Variants in RBFOX1 observed in about 807,000 individuals in gnomAD.
RBFOX1 encodes RNA binding fox-1 homolog 1.
Under a neutral mutation model 57.7 loss-of-function variants are expected in RBFOX1, and 8 were observed. The ratio of observed to expected loss-of-function variants is 0.14; its 90% CI spans 0.08 to 0.25. The LOEUF is 0.25. Ranked by LOEUF, RBFOX1 falls within the 10% of genes least tolerant of loss-of-function variation. The pLI, the probability that RBFOX1 is intolerant of heterozygous loss-of-function variation, is 1.00. For synonymous variants in RBFOX1, 326 were observed against 222.4 expected (o/e 1.47, Z -4.15); for missense variants, 611 against 548.5 (o/e 1.11, Z -1.14).
chr16:7,462,175 G>A (rs758527848), intron 4 of RBFOX1, among the ~76,000 whole-genome samples: 7 of 152,180 alleles, frequency 4.6e-5, no homozygotes, highest in Non-Finnish European at 7.3e-5. Flanking sequence ...GGGAAACAGC[G>A]GGTCACAAAG....
At chr16:7,528,051 C>T (rs759944234) in intron 5 of RBFOX1, among the ~76,000 whole-genome samples, 1 of 152,142 alleles carries the variant, frequency 6.6e-6, no homozygotes, top group African/African-American at 2.4e-5. Context: ...AAGTCTAGGT[C>T]GTGGGCAAAC....
chr16:7,358,984 T>C (rs916310969), intron 4 of RBFOX1, among the ~76,000 whole-genome samples: 2 of 152,188 alleles, frequency 1.3e-5, no homozygotes, highest in Non-Finnish European at 2.9e-5. Context: ...ATTAATGATG[T>C]TTTTGGAATG....
intron 3 of RBFOX1, among the ~76,000 whole-genome samples, chr16:6,679,029 G>T (rs371783196): frequency 6.6e-6 from 1 of 152,036 alleles, no homozygotes; most frequent in Non-Finnish European, 1.5e-5. Flanking sequence ...TCGACTCTGC[G>T]TGTTGCTATT....
At chr16:5,973,062 G>A (rs1036601299) in intron 4 of RBFOX1, among the ~76,000 whole-genome samples, 2 of 152,138 alleles carry the variant, frequency 1.3e-5, no homozygotes, top group African/African-American at 4.8e-5. Flanking sequence ...AAAGGTGTGT[G>A]GCAGAAGGTT....
At chr16:7,688,858 T>G (rs1376993328) in intron 14 of RBFOX1, among the ~76,000 whole-genome samples, 1 of 152,114 alleles carries the variant, frequency 6.6e-6, no homozygotes, top group Non-Finnish European at 1.5e-5. Flanking sequence ...GGAGTTCAAA[T>G]ATTTCTTAGA....
chr16:5,725,080 G>A (rs557585101), intron 3 of RBFOX1, among the ~76,000 whole-genome samples: 30 of 152,220 alleles, frequency 2.0e-4, no homozygotes, highest in Non-Finnish European at 3.7e-4. Flanking sequence ...GGGTGTGTCT[G>A]TAGAGATCCA....
intron 1 of RBFOX1, among the ~76,000 whole-genome samples, chr16:5,339,149 C>T (rs563857588): frequency 6.6e-6 from 1 of 152,246 alleles, no homozygotes; most frequent in East Asian, 1.9e-4. Flanking sequence ...CTTTGACCAA[C>T]ATCTCCCCAG....
At chr16:5,448,308 C>T (rs2068315066) in intron 1 of RBFOX1, among the ~76,000 whole-genome samples, 1 of 152,094 alleles carries the variant, frequency 6.6e-6, no homozygotes, top group Non-Finnish European at 1.5e-5. Flanking sequence ...AACTTACCTC[C>T]CAGCTGGGTC....
chr16:7,308,695 T>C (rs1017437980), intron 4 of RBFOX1, among the ~76,000 whole-genome samples: 5 of 152,184 alleles, frequency 3.3e-5, no homozygotes, highest in African/African-American at 1.2e-4. Flanking sequence ...AACCTGCATA[T>C]CAACCCTTTC....
intron 10 of RBFOX1, among the ~76,000 whole-genome samples, chr16:7,617,858 C>CA (rs1251239762): frequency 6.6e-6 from 1 of 152,052 alleles, no homozygotes; most frequent in Non-Finnish European, 1.5e-5. Context: ...CATGAGGAGT[C>CA]AAGGGGGTGG....
chr16:7,048,504 C>T (rs545300227), intron 3 of RBFOX1, among the ~76,000 whole-genome samples: 1 of 152,204 alleles, frequency 6.6e-6, no homozygotes, highest in Middle Eastern at 3.4e-3. Flanking sequence ...CATGATCCAC[C>T]CGCCTCAGCC....
chr16:6,826,982 C>T (rs548357988), intron 3 of RBFOX1, among the ~76,000 whole-genome samples: 4 of 152,190 alleles, frequency 2.6e-5, no homozygotes, highest in African/African-American at 9.6e-5. Context: ...AATATGATTG[C>T]ACTGCAATAG....
chr16:6,818,527 C>G (rs931202486), intron 3 of RBFOX1, among the ~76,000 whole-genome samples: 10 of 152,162 alleles, frequency 6.6e-5, no homozygotes, highest in South Asian at 4.1e-4. Flanking sequence ...GGCAATAATA[C>G]AAGCTGTTGT....
At chr16:5,480,985 G>C (rs188079073) in intron 2 of RBFOX1, among the ~76,000 whole-genome samples, 3 of 152,214 alleles carry the variant, frequency 2.0e-5, no homozygotes, top group Non-Finnish European at 4.4e-5. Context: ...TCTGAGCTGA[G>C]CATTCATGCA....
chr16:7,241,823 G>A (rs1399633976), intron 4 of RBFOX1, among the ~76,000 whole-genome samples: 4 of 150,886 alleles, frequency 2.7e-5, no homozygotes, highest in Non-Finnish European at 5.9e-5. Flanking sequence ...ATACATATAT[G>A]TTTATACATA....
chr16:5,759,056 C>G (rs115588369), intron 3 of RBFOX1, among the ~76,000 whole-genome samples: 1 of 152,190 alleles, frequency 6.6e-6, no homozygotes, highest in African/African-American at 2.4e-5. Flanking sequence ...ACCTCCATTT[C>G]TACTTCCATA....
At chr16:5,650,064 A>G (rs1353177721) in intron 3 of RBFOX1, among the ~76,000 whole-genome samples, 1 of 152,136 alleles carries the variant, frequency 6.6e-6, no homozygotes, top group East Asian at 1.9e-4. Context: ...AAGCAAACAC[A>G]AGTTTTGAAG....
intron 3 of RBFOX1, among the ~76,000 whole-genome samples, chr16:6,677,214 C>G (rs11642897): frequency 0.11 from 16,893 of 152,128 alleles, 1,324 homozygotes; most frequent in East Asian, 0.26. Flanking sequence ...AGGACTACAA[C>G]TAGAATACAG....
chr16:5,292,229 C>G (rs994380679), intron 1 of RBFOX1, among the ~76,000 whole-genome samples: 32 of 152,290 alleles, frequency 2.1e-4, no homozygotes, highest in African/African-American at 7.7e-4. Flanking sequence ...TTCTGGCCTG[C>G]GGCTGCAGGA....
Sources: gnomAD v4.1 joint callset for allele counts (sites outside exome capture counted in the v4.1 genomes callset) on GRCh38, gnomAD v4.1.1 for gene constraint, MANE v1.5 for transcripts, NCBI Gene and HGNC (gene_info 2026-07-23, HGNC 2026-07-21) for gene names.